The following ADGRG7 variants were observed in gnomAD, a reference collection of about 807,000 sequenced individuals.
ADGRG7 encodes the protein G-protein coupled receptor 128.
A neutral mutation model predicts 88.6 loss-of-function variants in ADGRG7; 82 were observed. The ratio of observed to expected loss-of-function variants is 0.93; its 90% confidence interval spans 0.77 to 1.11. The LOEUF is 1.11. Among genes scored for constraint, ADGRG7 ranks in the 50% most tolerant of loss-of-function variants. The pLI is 0.00. For missense variants in ADGRG7, 945 were observed against 953.4 expected, an observed-to-expected ratio of 0.99 and a Z score of 0.12; for synonymous variants, 381 against 345.2, an observed-to-expected ratio of 1.10 and a Z score of -1.15.
chr3:100,689,764 C>A (rs2094989871), intron 15 of ADGRG7, among the ~76,000 whole-genome samples: 1 of 152,214 alleles, frequency 6.6e-6, no homozygotes, highest in South Asian at 2.1e-4. Flanking sequence ...TGATGGGCTT[C>A]CCTTTATGGG....
intron 15 of ADGRG7, among the ~76,000 whole-genome samples, chr3:100,675,075 AT>A (rs1241711366): frequency 9.9e-5 from 15 of 151,834 alleles, no homozygotes; most frequent in Admixed American, 8.5e-4. Flanking sequence ...TCCAATTTAG[AT>A]TTTTTAAATT....
At chr3:100,690,430 G>A (rs1291168824) in intron 15 of ADGRG7, among the ~76,000 whole-genome samples, 3 of 152,194 alleles carry the variant, frequency 2.0e-5, no homozygotes, top group Non-Finnish European at 2.9e-5. Context: ...TTCCTTTGGA[G>A]GAGGAGAGGC....
chr3:100,670,202 A>G (rs2094956699), intron 15 of ADGRG7, among the ~76,000 whole-genome samples: 2 of 151,920 alleles, frequency 1.3e-5, no homozygotes, highest in South Asian at 4.2e-4. Context: ...TCTACTCTCT[A>G]TCTCCAGGAT....
rs201198203 is a variant in ADGRG7 at position 100,630,851 on chromosome 3, C to T, written c.334+42C>T. The T allele has an allele frequency of 2.0e-4, 225 of 1,099,224 alleles. No homozygotes were observed. The East Asian group carries it at 4.0e-3, about 20-fold the overall frequency. The allele number at this position is 1,099,224 out of a possible 1,614,324, so 68.1% of individuals were successfully genotyped here. ...ACATTTACTCTATGCATAAGAATTA[C>T]TATGCTGAGTCATACCTCTCATACC... On this transcript the variant is annotated intron_variant, in intron 3 of 15. Transcript: ENST00000273352.
chr3:100,693,529 T>C (rs906918885), intron 15 of ADGRG7, among the ~76,000 whole-genome samples: 1 of 152,216 alleles, frequency 6.6e-6, no homozygotes, highest in Non-Finnish European at 1.5e-5. Flanking sequence ...AGTCAAACTA[T>C]AAGGGTCTTT....
chr3:100,610,935 G>A (rs774571999), intron 1 of ADGRG7, among the ~76,000 whole-genome samples: 1 of 152,158 alleles, frequency 6.6e-6, no homozygotes, highest in Non-Finnish European at 1.5e-5. Context: ...CCAACAGAGG[G>A]ATCTGACATA....
intron 1 of ADGRG7, among the ~76,000 whole-genome samples, chr3:100,617,888 C>T (rs529480371): frequency 6.6e-6 from 1 of 152,226 alleles, no homozygotes; most frequent in South Asian, 2.1e-4. Context: ...TGTTTCCTGA[C>T]TTTTTCATGA....
intron 15 of ADGRG7, among the ~76,000 whole-genome samples, chr3:100,688,062 A>C (rs954547008): frequency 7.9e-5 from 12 of 152,060 alleles, no homozygotes; most frequent in African/African-American, 2.9e-4. Flanking sequence ...AGAGCCTGTT[A>C]TTGGTCTATT....
chr3:100,629,277 C>G (rs1317632645), intron 1 of ADGRG7, among the ~76,000 whole-genome samples: 1 of 150,646 alleles, frequency 6.6e-6, no homozygotes, highest in East Asian at 2.0e-4. Context: ...CTCTATCTAT[C>G]TATCTATCTA....
chr3:100,614,186 A>G (rs1707195796), intron 1 of ADGRG7, among the ~76,000 whole-genome samples: 1 of 152,194 alleles, frequency 6.6e-6, no homozygotes, highest in South Asian at 2.1e-4. Context: ...ATTGACCTAG[A>G]TTGGACCTTT....
intron 1 of ADGRG7, among the ~76,000 whole-genome samples, chr3:100,619,832 C>T (rs1273787155): frequency 2.0e-5 from 3 of 152,260 alleles, no homozygotes; most frequent in Admixed American, 6.5e-5. Context: ...TTCCTCGACA[C>T]GTACACTCTC....
intron 11 of ADGRG7, among the ~76,000 whole-genome samples, chr3:100,650,734 A>T (rs1444906591): frequency 3.3e-5 from 5 of 152,176 alleles, no homozygotes; most frequent in Non-Finnish European, 5.9e-5. Flanking sequence ...TGTGTAAATA[A>T]TAGATGACTC....
Position 100,631,700 on chromosome 3 carries a change from A to G in ADGRG7, c.334+891A>G, listed in dbSNP as rs535148835. Among the ~76,000 whole-genome samples, 314 of 152,300 alleles carry G rather than the reference A, an allele frequency of 2.1e-3. 1 individual carries two copies. Among genetic ancestry groups the G allele is most frequent in the African/African-American group, 7.2e-3 (300 of 41,580 alleles). On this transcript the variant is annotated intron_variant, in intron 3 of 15. Coordinates refer to ENST00000273352, the MANE Select transcript of ADGRG7 (RefSeq NM_032787.3). ...GAAGAGAATGTGACATTTTATTTAG[A>G]TATTTATTTTTGTATGTGTCAAGGG...
intron 15 of ADGRG7, among the ~76,000 whole-genome samples, chr3:100,688,777 G>T (rs1269446053): frequency 1.3e-5 from 2 of 152,168 alleles, no homozygotes; most frequent in Non-Finnish European, 2.9e-5. Flanking sequence ...TACATTTGCT[G>T]AGGAGAGCTT....
intron 6 of ADGRG7, among the ~76,000 whole-genome samples, chr3:100,638,913 A>C (rs577684187): frequency 6.6e-6 from 1 of 152,186 alleles, no homozygotes; most frequent in Non-Finnish European, 1.5e-5. Flanking sequence ...TGCTTATTGT[A>C]GAAAAATAAG....
intron 15 of ADGRG7, among the ~76,000 whole-genome samples, chr3:100,688,891 G>T (rs1238557577): frequency 6.6e-6 from 1 of 152,126 alleles, no homozygotes; most frequent in Admixed American, 6.5e-5. Flanking sequence ...TGTCTATTAG[G>T]TCCACTTGGT....
intron 6 of ADGRG7, among the ~76,000 whole-genome samples, chr3:100,639,924 A>C (rs938613079): frequency 1.3e-5 from 2 of 152,246 alleles, no homozygotes; most frequent in African/African-American, 4.8e-5. Flanking sequence ...TGAACCTTAA[A>C]ATGGTGTAAG....
At chr3:100,687,548 C>G (rs1230263177) in intron 15 of ADGRG7, among the ~76,000 whole-genome samples, 1 of 152,096 alleles carries the variant, frequency 6.6e-6, no homozygotes, top group Non-Finnish European at 1.5e-5. Flanking sequence ...TGAGATACAT[C>G]CCATCAATAC....
chr3:100,644,086 A>G (rs896348629), intron 8 of ADGRG7, among the ~76,000 whole-genome samples: 1 of 152,138 alleles, frequency 6.6e-6, no homozygotes, highest in Non-Finnish European at 1.5e-5. Context: ...ATTTTAGGTT[A>G]TCTCCTCTCT....
Sources: allele counts gnomAD v4.1 joint callset (sites outside exome capture counted in the v4.1 genomes callset), GRCh38; gene constraint gnomAD v4.1.1; transcripts MANE v1.5; gene names NCBI Gene and HGNC (gene_info 2026-07-23, HGNC 2026-07-21).